The following TMEM117 variants were observed in gnomAD, a reference collection of about 807,000 sequenced individuals.
The protein encoded by TMEM117 is transmembrane protein 117.
A neutral mutation model predicts 52.4 loss-of-function variants in TMEM117; 27 were observed. That is an observed-to-expected ratio of 0.51 (90% CI 0.38 to 0.71). The LOEUF is 0.71. Ranked by LOEUF, TMEM117 falls within the 30% of genes least tolerant of loss-of-function variation. The pLI is 0.00. For missense variants in TMEM117, 556 were observed against 630.5 expected (o/e 0.88, Z 1.26); for synonymous variants, 215 against 206.3 (o/e 1.04, Z -0.36).
At chr12:43,988,793 T>C (rs1383133074) in intron 3 of TMEM117, among the ~76,000 whole-genome samples, 2 of 152,126 alleles carry the variant, frequency 1.3e-5, no homozygotes, top group Non-Finnish European at 2.9e-5. Flanking sequence ...AATATGAGGC[T>C]GCTCTGAATG....
intron 3 of TMEM117, among the ~76,000 whole-genome samples, chr12:44,008,220 C>G (rs930523209): frequency 3.3e-5 from 5 of 151,312 alleles, no homozygotes; most frequent in African/African-American, 1.2e-4. Flanking sequence ...CTGTGAGCTC[C>G]CTTGAGAGGG....
intron 3 of TMEM117, among the ~76,000 whole-genome samples, chr12:44,078,798 T>G (rs1316596578): frequency 2.6e-5 from 4 of 152,050 alleles, no homozygotes; most frequent in Non-Finnish European, 5.9e-5. Context: ...CCATGGTGGT[T>G]TGCTGCAGCC....
intron 3 of TMEM117, among the ~76,000 whole-genome samples, chr12:44,090,798 C>A (rs1376569688): frequency 6.8e-6 from 1 of 146,422 alleles, no homozygotes; most frequent in Admixed American, 6.7e-5. Flanking sequence ...CATTCTTGTG[C>A]CTTTTTGTTT....
intron 3 of TMEM117, among the ~76,000 whole-genome samples, chr12:43,976,789 A>G (rs919584689): frequency 1.3e-5 from 2 of 152,134 alleles, no homozygotes; most frequent in South Asian, 2.1e-4. Context: ...TTGTTGATTG[A>G]AGAGTATAGA....
intron 6 of TMEM117, among the ~76,000 whole-genome samples, chr12:44,327,881 C>T (rs1043855169): frequency 1.1e-4 from 17 of 152,178 alleles, no homozygotes; most frequent in Admixed American, 9.8e-4. Context: ...TATCTCCACA[C>T]TTCCTGAGCT....
intron 6 of TMEM117, among the ~76,000 whole-genome samples, chr12:44,344,985 C>G (rs1015131274): frequency 6.6e-6 from 1 of 151,900 alleles, no homozygotes; most frequent in African/African-American, 2.4e-5. Context: ...GTGGGCCTAC[C>G]GAGAGAAGGT....
intron 4 of TMEM117, among the ~76,000 whole-genome samples, chr12:44,153,137 C>A (rs1948779317): frequency 6.6e-6 from 1 of 151,722 alleles, no homozygotes; most frequent in Non-Finnish European, 1.5e-5. Context: ...GTATCATTAA[C>A]TTTATATCAG....
intron 3 of TMEM117, among the ~76,000 whole-genome samples, chr12:44,127,191 T>G (rs1333833247): frequency 1.3e-5 from 2 of 152,182 alleles, no homozygotes; most frequent in Non-Finnish European, 2.9e-5. Flanking sequence ...AAATATTGTG[T>G]CATATGTTGA....
intron 2 of TMEM117, among the ~76,000 whole-genome samples, chr12:43,905,445 G>C (rs149087436): frequency 6.6e-6 from 1 of 152,274 alleles, no homozygotes; most frequent in Admixed American, 6.5e-5. Context: ...GGCAGACACC[G>C]TGGCTGAAGA....
intron 6 of TMEM117, among the ~76,000 whole-genome samples, chr12:44,305,733 GT>G (rs2138656714): frequency 6.6e-6 from 1 of 152,338 alleles, no homozygotes; most frequent in South Asian, 2.1e-4. Context: ...TTCAACCACT[GT>G]GGAAAGCAGT....
At chr12:44,246,104 A>C (rs1401723284) in intron 5 of TMEM117, among the ~76,000 whole-genome samples, 1 of 152,152 alleles carries the variant, frequency 6.6e-6, no homozygotes, top group African/African-American at 2.4e-5. Flanking sequence ...AAGCTGAGTC[A>C]TATTACATTA....
At position 44,376,686 on chromosome 12, in the gene TMEM117, A is replaced by G; in HGVS notation, c.860A>G (p.Gln287Arg). Residue 287 changes from glutamine (Q) to arginine (R), a missense_variant, in exon 7 of 8, where the codon CAG becomes CGG. Gln to Arg is a conservative substitution (Grantham distance 43). This residue lies in a region of TMEM117 where 328 missense variants were observed against 371.4 expected (regional missense o/e 0.88). Coordinates refer to ENST00000266534, the MANE Select transcript of TMEM117 (RefSeq NM_032256.3). The stretch of plus-strand genomic sequence containing the variant: ...ATGCAGTTCAAGATTCCTTTCTTCC[A>G]GAAAATCTTCAAGGAGGAATATCGT... ...PHMQFKIPFF[Q>R]KIFKEEYRIH... 6.2e-7 allele frequency: 1 copy of G among 1,611,600 alleles called. No individual in the cohort carries two copies. The highest frequency in any genetic ancestry group is 8.5e-7 in the Non-Finnish European group (1 of 1,179,154).
chr12:43,802,750 A>G, the TMEM117 span, among the ~76,000 whole-genome samples: 1 of 152,214 alleles, frequency 6.6e-6, no homozygotes, highest in Non-Finnish European at 1.5e-5. Flanking sequence ...AAATAATGTA[A>G]TGACCTATAA....
intron 5 of TMEM117, among the ~76,000 whole-genome samples, chr12:44,224,494 GCTTT>G (rs1044318187): frequency 1.3e-4 from 20 of 149,400 alleles, no homozygotes. Flanking sequence ...GTTTTTCTTT[GCTTT>G]CTTTGTCTTC....
chr12:43,846,969 T>C (rs1274407537), intron 2 of TMEM117, among the ~76,000 whole-genome samples: 1 of 152,204 alleles, frequency 6.6e-6, no homozygotes. Context: ...CTTGTGCCTA[T>C]ATGTATACAA....
At chr12:43,801,384 T>C in the TMEM117 span, among the ~76,000 whole-genome samples, 2 of 152,148 alleles carry the variant, frequency 1.3e-5, no homozygotes, top group African/African-American at 4.8e-5. Flanking sequence ...TTCTTTCAGA[T>C]AGAACATGGG....
In TMEM117 at chr12:44,044,868, T is replaced by C. The variant is rs140529364; in HGVS notation, c.411-98657T>C. ...GGAGAAATGGCCAGATGTGCAGTTA[T>C]ATACTGATTCATGGGCTGTAGCCAA... is the stretch of plus-strand genomic sequence containing the variant. On this transcript the variant is annotated intron_variant, in intron 3 of 7. Transcript: ENST00000266534. Among the ~76,000 whole-genome samples, 341 of 152,346 alleles carry C rather than the reference T, an allele frequency of 2.2e-3. 1 individual carries two copies. Among genetic ancestry groups the C allele is most frequent in the Middle Eastern group, 3.4e-3 (1 of 294 alleles).
intron 6 of TMEM117, among the ~76,000 whole-genome samples, chr12:44,367,712 A>G (rs1375121336): frequency 6.6e-6 from 1 of 152,136 alleles, no homozygotes; most frequent in Non-Finnish European, 1.5e-5. Context: ...TTGGATATCT[A>G]ATAAGCCCTG....
At chr12:44,226,044 A>G (rs937576273) in intron 5 of TMEM117, among the ~76,000 whole-genome samples, 1 of 152,230 alleles carries the variant, frequency 6.6e-6, no homozygotes, top group Admixed American at 6.6e-5. Context: ...TCGCCCCATC[A>G]TGCAGCTTAT....
Sources: gnomAD v4.1 joint callset for allele counts (sites outside exome capture counted in the v4.1 genomes callset) on GRCh38, gnomAD v4.1.1 for gene constraint, gnomAD v4.1.1 regional missense constraint, MANE v1.5 for transcripts, NCBI Gene and HGNC (gene_info 2026-07-23, HGNC 2026-07-21) for gene names.